Variants in LRRC7 observed in about 807,000 individuals in gnomAD.
The protein encoded by LRRC7 is leucine rich repeat containing 7.
LRRC7 carries 23 observed loss-of-function variants against 175.7 expected under a neutral mutation model. The ratio of observed to expected loss-of-function variants is 0.13; its 90% CI spans 0.09 to 0.19. The LOEUF (loss-of-function observed/expected upper bound fraction) is 0.19. Among genes scored for constraint, LRRC7 ranks in the 10% least tolerant of loss-of-function variants. The pLI is 1.00. For missense variants in LRRC7, 1,354 were observed against 1,904.7 expected (o/e 0.71, Z 5.38); for synonymous variants, 685 against 680.9 (o/e 1.01, Z -0.09).
intron 2 of LRRC7, among the ~76,000 whole-genome samples, chr1:69,756,009 A>G (rs1273633058): frequency 2.6e-5 from 4 of 151,942 alleles, no homozygotes; most frequent in African/African-American, 9.7e-5. Flanking sequence ...CAAATAACAC[A>G]GGGACCAAGG....
chr1:69,957,660 G>T (rs1358463766), intron 8 of LRRC7, among the ~76,000 whole-genome samples: 2 of 151,696 alleles, frequency 1.3e-5, no homozygotes, highest in East Asian at 1.9e-4. Flanking sequence ...GATTCAGAAG[G>T]TATTTCAGTT....
chr1:69,918,366 G>A (rs1372712380), intron 7 of LRRC7, among the ~76,000 whole-genome samples: 1 of 152,136 alleles, frequency 6.6e-6, no homozygotes, highest in Non-Finnish European at 1.5e-5. Flanking sequence ...TGCTCACAAA[G>A]AACAATACTA....
chr1:70,096,177 A>G (rs1201544828), intron 25 of LRRC7, among the ~76,000 whole-genome samples: 1 of 152,162 alleles, frequency 6.6e-6, no homozygotes, highest in Non-Finnish European at 1.5e-5. Context: ...GGGTTTCACC[A>G]TGTTGGGCAG....
intron 7 of LRRC7, among the ~76,000 whole-genome samples, chr1:69,875,643 A>G (rs1310856251): frequency 1.3e-5 from 2 of 152,174 alleles, no homozygotes; most frequent in Middle Eastern, 3.4e-3. Context: ...AATTATGCAT[A>G]CCAGTTTAAC....
In LRRC7 at chr1:69,949,699, TTATA is replaced by T. The variant is rs1184511727; in HGVS notation, c.711+18134_711+18137del. 5.3e-5 allele frequency among the ~76,000 whole-genome samples: 8 copies of T among 152,338 alleles called. No homozygotes were observed. The East Asian group carries it at 1.5e-3, about 29-fold the overall frequency. On this transcript the variant is annotated intron_variant, in intron 8 of 26. Coordinates refer to ENST00000651989, the MANE Select transcript of LRRC7 (RefSeq NM_001370785.2). ...TTTTAACAATGCCATAAACAACTTT[TTATA>T]TATACATGCATATACTTGCAAAGAA... is the stretch of plus-strand genomic sequence containing the variant.
chr1:69,830,838 C>T (rs892167976), intron 5 of LRRC7, among the ~76,000 whole-genome samples: 1 of 151,744 alleles, frequency 6.6e-6, no homozygotes, highest in Non-Finnish European at 1.5e-5. Context: ...TTTTTTATAA[C>T]CAGCCTGATA....
chr1:69,568,861 G>T (rs1255242883), intron 1 of LRRC7, among the ~76,000 whole-genome samples: 1 of 152,186 alleles, frequency 6.6e-6, no homozygotes. Flanking sequence ...CTAACTGGGC[G>T]GGTGCATGGG....
intron 3 of LRRC7, among the ~76,000 whole-genome samples, chr1:69,763,154 A>G (rs1278399690): frequency 2.0e-5 from 3 of 152,084 alleles, no homozygotes; most frequent in East Asian, 1.9e-4. Context: ...AGAAAACCCA[A>G]TACAAACTGA....
At chr1:70,071,186 T>C (rs1662359876) in intron 23 of LRRC7, among the ~76,000 whole-genome samples, 1 of 152,176 alleles carries the variant, frequency 6.6e-6, no homozygotes, top group African/African-American at 2.4e-5. Context: ...TAGGCTTTTG[T>C]TGAAGCATTG....
At chr1:69,850,733 G>A (rs1682883654) in intron 7 of LRRC7, among the ~76,000 whole-genome samples, 1 of 152,104 alleles carries the variant, frequency 6.6e-6, no homozygotes, top group Non-Finnish European at 1.5e-5. Flanking sequence ...TTCCTATATA[G>A]AGAAACTTTG....
At position 70,126,445 on chromosome 1, in the gene LRRC7, G is replaced by A. The variant is rs1355425037; in HGVS notation, c.*4558G>A. Among the ~76,000 whole-genome samples, 4 of 151,970 alleles carry A rather than the reference G, an allele frequency of 2.6e-5. No homozygotes were observed. The highest frequency in any genetic ancestry group is 9.7e-5 in the African/African-American group (4 of 41,350). ...TAACTAAATGTTCAAACTCTGGGTTGGTAATGTGTCCTCTCTTCACACTTG... is the reference window on the plus strand; with the variant it reads ...TAACTAAATGTTCAAACTCTGGGTTAGTAATGTGTCCTCTCTTCACACTTG... On this transcript the variant is annotated 3_prime_UTR_variant, in exon 27 of 27. Coordinates refer to ENST00000651989, the MANE Select transcript of LRRC7 (RefSeq NM_001370785.2).
intron 1 of LRRC7, among the ~76,000 whole-genome samples, chr1:69,621,338 A>G (rs2100319143): frequency 6.6e-6 from 1 of 152,208 alleles, no homozygotes; most frequent in East Asian, 1.9e-4. Context: ...GAGCCACCGC[A>G]CCCAGCCTCT....
intron 11 of LRRC7, among the ~76,000 whole-genome samples, chr1:69,995,762 C>T (rs1654894134): frequency 6.6e-6 from 1 of 152,020 alleles, no homozygotes; most frequent in African/African-American, 2.4e-5. Context: ...CATAGTATTC[C>T]ATGGTGTATA....
intron 1 of LRRC7, among the ~76,000 whole-genome samples, chr1:69,646,206 A>G (rs1264407): frequency 0.22 from 33,468 of 151,938 alleles, 4,163 homozygotes; most frequent in South Asian, 0.29. Flanking sequence ...AATTGCTATT[A>G]AAGTGCTAGA....
chr1:69,791,864 G>A (rs1010424030), intron 3 of LRRC7, among the ~76,000 whole-genome samples, 179 bp from the exon 4 acceptor site: 1 of 151,934 alleles, frequency 6.6e-6, no homozygotes, highest in African/African-American at 2.4e-5. Context: ...ACTAACATGG[G>A]AATAGAATGT....
intron 3 of LRRC7, among the ~76,000 whole-genome samples, chr1:69,781,875 A>AGGAG (rs879344873): frequency 6.9e-6 from 1 of 145,086 alleles, no homozygotes; most frequent in Non-Finnish European, 1.5e-5. Context: ...GAAGGAAGGA[A>AGGAG]GAAAGAAAAG....
At chr1:69,761,912 C>G (rs575031274) in intron 3 of LRRC7, among the ~76,000 whole-genome samples, 2 of 151,898 alleles carry the variant, frequency 1.3e-5, no homozygotes. Flanking sequence ...TGTGGTAACC[C>G]ATTCTAATTT....
At position 70,038,248 on chromosome 1, in the gene LRRC7, T is replaced by A; in HGVS notation, c.2424T>A (p.Asp808Glu). ...ATACTTTCACTGACAACTGGACTGA[T>A]GGCTCGCATTATGACAACACAGGGT... ...MSDTFTDNWT[D>E]GSHYDNTGFV... Residue 808 changes from aspartate (D) to glutamate (E), a missense_variant, in exon 21 of 27, where the codon GAT (aspartate) becomes GAA (glutamate). Physicochemically the swap from Asp to Glu is conservative, Grantham distance 45. Coordinates refer to ENST00000651989, the MANE Select transcript of LRRC7 (RefSeq NM_001370785.2). 6.2e-7 allele frequency: 1 copy of A among 1,614,184 alleles called. No homozygotes were observed.
intron 3 of LRRC7, among the ~76,000 whole-genome samples, chr1:69,768,688 G>A (rs941627482): frequency 1.3e-5 from 2 of 152,182 alleles, no homozygotes; most frequent in African/African-American, 4.8e-5. Flanking sequence ...ATCTGCATAT[G>A]CATAAAACAC....
Sources: gnomAD v4.1 joint callset for allele counts (sites outside exome capture counted in the v4.1 genomes callset) on GRCh38, gnomAD v4.1.1 for gene constraint, MANE v1.5 for transcripts, NCBI Gene and HGNC (gene_info 2026-07-23, HGNC 2026-07-21) for gene names.